Variants in CMC1 observed in about 807,000 individuals in gnomAD.
CMC1 encodes the protein COX assembly mitochondrial protein homolog.
A neutral mutation model predicts 14.1 loss-of-function variants in CMC1; 14 were observed. The ratio of observed to expected loss-of-function variants is 0.99; its 90% CI spans 0.66 to 1.55. CMC1 has a LOEUF of 1.55. Ranked by LOEUF, CMC1 falls within the 40% of genes most tolerant of loss-of-function variation. The pLI is 0.00. For synonymous variants in CMC1, 50 were observed against 38.4 expected (o/e 1.30, Z -1.12); for missense variants, 127 against 123.8 (o/e 1.03, Z -0.12).
intron 2 of CMC1, among the ~76,000 whole-genome samples, chr3:28,272,692 C>CT (rs1400408954): frequency 1.7e-4 from 25 of 150,676 alleles, no homozygotes; most frequent in Non-Finnish European, 2.4e-4. Flanking sequence ...TTTTTTCTTT[C>CT]TTTTTTTTTG....
At chr3:28,271,126 A>G (rs1158615861) in intron 2 of CMC1, among the ~76,000 whole-genome samples, 1 of 150,494 alleles carries the variant, frequency 6.6e-6, no homozygotes. Context: ...TTTGAGATGG[A>G]GTCTCACTCT....
At chr3:28,268,587 A>T (rs976424955) in intron 2 of CMC1, among the ~76,000 whole-genome samples, 3 of 152,182 alleles carry the variant, frequency 2.0e-5, no homozygotes, top group Non-Finnish European at 4.4e-5. Context: ...GTTTGGGCAC[A>T]GTGAGCCACT....
rs189749566 is a variant in CMC1 at position 28,297,626 on chromosome 3, G to A, written c.110-18707G>A. 1.7e-3 allele frequency among the ~76,000 whole-genome samples: 265 copies of A among 152,168 alleles called. 1 individual carries two copies. The highest frequency in any genetic ancestry group is 6.2e-3 in the African/African-American group (259 of 41,566). Reference sequence around the variant, plus strand: ...ACACAGACCATCAGCCTTCAGCTGGGAGCCATTACGCAGACATGTTTTGTT... The same window carrying A: ...ACACAGACCATCAGCCTTCAGCTGGAAGCCATTACGCAGACATGTTTTGTT... On this transcript the variant is annotated intron_variant, in intron 2 of 3. Coordinates refer to ENST00000466830, the MANE Select transcript of CMC1 (RefSeq NM_182523.2).
At chr3:28,285,931 A>AT (rs1031127860) in intron 2 of CMC1, among the ~76,000 whole-genome samples, 37 of 151,806 alleles carry the variant, frequency 2.4e-4, no homozygotes, top group South Asian at 4.2e-4. Context: ...CACCCGGCTA[A>AT]TTTTTTTGTA....
At chr3:28,271,732 G>A (rs1700303965) in intron 2 of CMC1, among the ~76,000 whole-genome samples, 1 of 152,134 alleles carries the variant, frequency 6.6e-6, no homozygotes, top group South Asian at 2.1e-4. Flanking sequence ...CTAATTCTGT[G>A]AAATTTTTCC....
Position 28,319,873 on chromosome 3 carries a change from T to C in CMC1, c.*244T>C, listed in dbSNP as rs903945642. 5.1e-5 allele frequency: 15 copies of C among 296,702 alleles called. No homozygotes were observed. Among genetic ancestry groups the C allele is most frequent in the African/African-American group, 2.9e-4 (13 of 45,250 alleles). The allele number at this position is 296,702 out of a possible 1,614,324, so 18.4% of individuals were successfully genotyped here. On this transcript the variant is annotated 3_prime_UTR_variant, in exon 4 of 4. Transcript: ENST00000466830. ...GAAAGTTTTCCCACAACTATAGTTC[T>C]ATAACAGTGATACTGATTTTTTAGA...
intron 1 of CMC1, among the ~76,000 whole-genome samples, chr3:28,244,001 G>T (rs143751277): frequency 2.0e-5 from 3 of 152,172 alleles, no homozygotes; most frequent in Non-Finnish European, 4.4e-5. Flanking sequence ...TTGGCCATCA[G>T]GTAGCAAATA....
At chr3:28,275,922 G>A (rs1700568099) in intron 2 of CMC1, among the ~76,000 whole-genome samples, 4 of 152,184 alleles carry the variant, frequency 2.6e-5, no homozygotes, top group Non-Finnish European at 5.9e-5. Flanking sequence ...GGGCTCTGCT[G>A]TGGGAAATTC....
chr3:28,301,989 AG>A (rs1702074120), intron 2 of CMC1, among the ~76,000 whole-genome samples: 1 of 152,156 alleles, frequency 6.6e-6, no homozygotes, highest in Admixed American at 6.5e-5. Context: ...TTAAACAGTA[AG>A]ATGGAGTAGG....
chr3:28,308,721 A>T (rs1702462284), intron 2 of CMC1, among the ~76,000 whole-genome samples: 1 of 152,234 alleles, frequency 6.6e-6, no homozygotes, highest in African/African-American at 2.4e-5. Flanking sequence ...ATGGTGGCTT[A>T]CGCCTGTAAT....
intron 3 of CMC1, chr3:28,318,664 C>G (rs1198575250): frequency 1.3e-5 from 2 of 152,644 alleles, no homozygotes; most frequent in East Asian, 3.9e-4. Flanking sequence ...TCTCCTAACT[C>G]TAATTGGTTA....
intron 2 of CMC1, among the ~76,000 whole-genome samples, chr3:28,312,717 T>C (rs1055978557): frequency 6.6e-6 from 1 of 152,200 alleles, no homozygotes; most frequent in Admixed American, 6.5e-5. Flanking sequence ...CTACTTGTAC[T>C]TAATTATATA....
At chr3:28,280,208 A>G (rs1339394180) in intron 2 of CMC1, among the ~76,000 whole-genome samples, 1 of 152,212 alleles carries the variant, frequency 6.6e-6, no homozygotes, top group African/African-American at 2.4e-5. Flanking sequence ...GTGTTTCAGA[A>G]TAGACAAAAC....
At chr3:28,257,523 C>CT (rs1218695368) in intron 1 of CMC1, among the ~76,000 whole-genome samples, 5 of 151,954 alleles carry the variant, frequency 3.3e-5, no homozygotes, top group East Asian at 1.9e-4. Context: ...CTTATATTTT[C>CT]TTTTTTTTGT....
chr3:28,294,840 A>G (rs1172976945), intron 2 of CMC1, among the ~76,000 whole-genome samples: 2 of 152,188 alleles, frequency 1.3e-5, no homozygotes, highest in Non-Finnish European at 2.9e-5. Flanking sequence ...ATTCTAAAAC[A>G]TCAGACAGGA....
chr3:28,306,627 C>A (rs1474584155), intron 2 of CMC1, among the ~76,000 whole-genome samples: 1 of 151,580 alleles, frequency 6.6e-6, no homozygotes, highest in Non-Finnish European at 1.5e-5. Context: ...GAACTACTTA[C>A]ATCTTTAAAA....
chr3:28,283,080 A>G (rs1013044899), intron 2 of CMC1, among the ~76,000 whole-genome samples: 2 of 142,748 alleles, frequency 1.4e-5, no homozygotes, highest in African/African-American at 4.9e-5. Context: ...AGTCAGTGAC[A>G]TTGCCAAAGG....
At chr3:28,311,216 T>G (rs1027393565) in intron 2 of CMC1, among the ~76,000 whole-genome samples, 14 of 152,138 alleles carry the variant, frequency 9.2e-5, no homozygotes, top group Admixed American at 9.2e-4. Context: ...TGGAAAAGAT[T>G]TACTGGTGCA....
At chr3:28,260,683 A>G (rs1029219745) in intron 1 of CMC1, among the ~76,000 whole-genome samples, 13 of 101,890 alleles carry the variant, frequency 1.3e-4, no homozygotes, top group African/African-American at 3.3e-4. Context: ...GTAGAAACTT[A>G]AGTTAATACA....
Sources: allele counts gnomAD v4.1 joint callset (sites outside exome capture counted in the v4.1 genomes callset), GRCh38; gene constraint gnomAD v4.1.1; transcripts MANE v1.5; gene names NCBI Gene and HGNC (gene_info 2026-07-23, HGNC 2026-07-21).